Variants in RASGEF1C observed in about 807,000 individuals in gnomAD.
The protein encoded by RASGEF1C is RasGEF domain family member 1C.
In RASGEF1C, 27 loss-of-function variants were observed where a neutral mutation model predicts 58.1. The observed-to-expected ratio is 0.46, with a 90% CI of 0.34 to 0.64. The LOEUF (loss-of-function observed/expected upper bound fraction) is 0.64, where lower values mean the gene tolerates loss of function less well. RASGEF1C is among the 30% of genes least tolerant of loss of function. RASGEF1C has a pLI of 0.01. For synonymous variants in RASGEF1C, 243 were observed against 246.3 expected, an observed-to-expected ratio of 0.99 and a Z score of 0.13; for missense variants, 502 against 605.1, an observed-to-expected ratio of 0.83 and a Z score of 1.79.
At chr5:180,149,546 C>A (rs1248959683) in intron 1 of RASGEF1C, among the ~76,000 whole-genome samples, 1 of 152,048 alleles carries the variant, frequency 6.6e-6, no homozygotes, top group Non-Finnish European at 1.5e-5. Context: ...CACTCCAACT[C>A]CCTGGTTCAA....
chr5:180,115,494 T>C (rs1452684575), intron 10 of RASGEF1C: 1 of 207,398 alleles, frequency 4.8e-6, no homozygotes, highest in Non-Finnish European at 1.0e-5. Flanking sequence ...CTCATTGTAG[T>C]GGGAGACACA....
rs926127304 is a variant in RASGEF1C, at chr5:180,137,513, G to T, written c.300+77C>A. 3.9e-6 allele frequency: 6 copies of T among 1,550,574 alleles called. No homozygotes were observed. In the South Asian group the frequency reaches 5.9e-5, roughly 15 times the overall value. On this transcript the variant is annotated intron_variant, in intron 3 of 13. Transcript: ENST00000361132. This position sits in a 1 kb window ranked among gnomAD's most constrained non-coding sequence, Gnocchi z 4.1. ...AAACGGGGACAATCATTGCCTCCCCGAGAGGCTGATGCGTTGAGGGCATGG... is the reference window on the plus strand; with the variant it reads ...AAACGGGGACAATCATTGCCTCCCCTAGAGGCTGATGCGTTGAGGGCATGG...
chr5:180,131,579 C>T (rs963988717), intron 4 of RASGEF1C, among the ~76,000 whole-genome samples: 3 of 152,226 alleles, frequency 2.0e-5, no homozygotes, highest in Non-Finnish European at 4.4e-5. Flanking sequence ...ACAAGCTCCA[C>T]ACAGCCAACT....
chr5:180,189,603 C>A (rs1380128604), intron 1 of RASGEF1C, among the ~76,000 whole-genome samples: 7 of 152,124 alleles, frequency 4.6e-5, no homozygotes, highest in Non-Finnish European at 1.0e-4. Context: ...AAATGCAATT[C>A]AGTGGAGAAA....
chr5:180,206,570 A>G (rs1024327293), intron 1 of RASGEF1C, among the ~76,000 whole-genome samples: 12 of 152,226 alleles, frequency 7.9e-5, no homozygotes, highest in Admixed American at 4.6e-4. Context: ...ATTCACTCCT[A>G]CTTCTAGAAG....
In RASGEF1C at chr5:180,191,439, C is replaced by T. The variant is rs535079033; in HGVS notation, c.-7+17589G>A. Among the ~76,000 whole-genome samples, 7 of 152,264 alleles carry T rather than the reference C, an allele frequency of 4.6e-5. No homozygotes were observed. In the South Asian group the frequency reaches 1.5e-3, roughly 32 times the overall value. On this transcript the variant is annotated intron_variant, in intron 1 of 13. Transcript: ENST00000361132. Reference sequence around the variant, plus strand: ...TGGCGCGATCTCAGCTCACTGCAAGCTCCGCCTCCCGGGTTCACGCCATTC... The same window carrying T: ...TGGCGCGATCTCAGCTCACTGCAAGTTCCGCCTCCCGGGTTCACGCCATTC...
intron 1 of RASGEF1C, among the ~76,000 whole-genome samples, chr5:180,153,294 C>T (rs994759523): frequency 3.9e-4 from 59 of 152,148 alleles, no homozygotes; most frequent in African/African-American, 1.4e-3. Context: ...GTCTTTATGG[C>T]CCACCCTGGC....
intron 12 of RASGEF1C, among the ~76,000 whole-genome samples, chr5:180,103,605 T>C (rs1168587433): frequency 6.6e-6 from 1 of 152,244 alleles, no homozygotes; most frequent in Non-Finnish European, 1.5e-5. Flanking sequence ...CTTTGGGATT[T>C]TTTTTCCTCA....
rs1210457529 is a variant in RASGEF1C, at chr5:180,177,202, C to T, written c.-7+31826G>A. On this transcript the variant is annotated intron_variant, in intron 1 of 13. Transcript: ENST00000361132. This position sits in a 1 kb window ranked among gnomAD's most constrained non-coding sequence, Gnocchi z 5.0. ...TGGGCTACTTCCAGAAACGTCCAGCCGAGTAGAGGATGCATTCAAACCATG... is the reference window on the plus strand; with the variant it reads ...TGGGCTACTTCCAGAAACGTCCAGCTGAGTAGAGGATGCATTCAAACCATG... 5.3e-5 allele frequency among the ~76,000 whole-genome samples: 8 copies of T among 152,132 alleles called. No individual in the cohort carries two copies. Among genetic ancestry groups the T allele is most frequent in the Admixed American group, 3.9e-4 (6 of 15,276 alleles).
chr5:180,193,348 C>T (rs1233407423), intron 1 of RASGEF1C, among the ~76,000 whole-genome samples: 3 of 152,184 alleles, frequency 2.0e-5, no homozygotes, highest in Non-Finnish European at 2.9e-5. Context: ...AGCCACCGTG[C>T]CCGGCCTAAA....
intron 1 of RASGEF1C, among the ~76,000 whole-genome samples, chr5:180,183,847 A>G (rs974967663): frequency 2.0e-5 from 3 of 151,528 alleles, no homozygotes; most frequent in Non-Finnish European, 4.4e-5. Flanking sequence ...TAAATAAATA[A>G]ATAGATTTCA....
At chr5:180,132,121 C>A (rs540643955) in intron 4 of RASGEF1C, among the ~76,000 whole-genome samples, 2 of 152,320 alleles carry the variant, frequency 1.3e-5, no homozygotes, top group East Asian at 3.9e-4. Flanking sequence ...TCGTCACTAT[C>A]GTGGGTCCAT....
chr5:180,201,432 GA>G (rs1363213345), intron 1 of RASGEF1C, among the ~76,000 whole-genome samples: 1 of 152,184 alleles, frequency 6.6e-6, no homozygotes, highest in Non-Finnish European at 1.5e-5. Flanking sequence ...ACAACAACAG[GA>G]GAGGGCGCTC....
At position 180,170,290 on chromosome 5, in the gene RASGEF1C, G is replaced by C. The variant is rs536556724; in HGVS notation, c.-6-32232C>G. Reference sequence around the variant, plus strand: ...GGGCTGAGGCTGACAGAGGTGACCCGGCTGCTCCCATAGGGCCGCCAGCCA... The same window carrying C: ...GGGCTGAGGCTGACAGAGGTGACCCCGCTGCTCCCATAGGGCCGCCAGCCA... On this transcript the variant is annotated intron_variant, in intron 1 of 13. Transcript: ENST00000361132. 6.3e-4 allele frequency among the ~76,000 whole-genome samples: 96 copies of C among 152,250 alleles called. 1 individual carries two copies. The highest frequency in any genetic ancestry group is 1.9e-3 in the African/African-American group (77 of 41,560).
chr5:180,121,678 CACA>C (rs747930362), intron 6 of RASGEF1C, among the ~76,000 whole-genome samples: 2,793 of 34,296 alleles, frequency 0.081, 84 homozygotes, highest in African/African-American at 0.17. Flanking sequence ...CACACACACA[CACA>C]CCCTCATTAT....
chr5:180,117,113 C>T (rs934199235), intron 10 of RASGEF1C, among the ~76,000 whole-genome samples: 1 of 152,254 alleles, frequency 6.6e-6, no homozygotes, highest in East Asian at 1.9e-4. Context: ...GCTCCGGCTC[C>T]TGGCAGGCCG....
chr5:180,182,085 G>A (rs1410151405), intron 1 of RASGEF1C, among the ~76,000 whole-genome samples: 3 of 151,592 alleles, frequency 2.0e-5, no homozygotes, highest in East Asian at 1.9e-4. Flanking sequence ...GGCGCCTGTA[G>A]TCCCAGCTAC....
chr5:180,142,900 C>A lies in RASGEF1C; in HGVS notation c.-6-4842G>T, dbSNP rs528820518. Among the ~76,000 whole-genome samples the A allele has an allele frequency of 3.9e-3, 601 of 152,228 alleles. 10 individuals carry two copies. Among genetic ancestry groups the A allele is most frequent in the African/African-American group, 0.014 (571 of 41,536 alleles). On this transcript the variant is annotated intron_variant, in intron 1 of 13. Transcript: ENST00000361132. ...AATGGTGAGGCTGGGGGCACGTGCC[C>A]CCGCTGTGGCAAGGGCACTGACAGG...
chr5:180,190,781 A>G (rs961701903), intron 1 of RASGEF1C, among the ~76,000 whole-genome samples: 1 of 152,164 alleles, frequency 6.6e-6, no homozygotes, highest in South Asian at 2.1e-4. Flanking sequence ...GGAGTTAGGT[A>G]AAAATTCCTT....
Sources: gnomAD v4.1 joint callset for allele counts (sites outside exome capture counted in the v4.1 genomes callset) on GRCh38, gnomAD v4.1.1 for gene constraint, Gnocchi (gnomAD v3.1) non-coding constraint, MANE v1.5 for transcripts, NCBI Gene and HGNC (gene_info 2026-07-23, HGNC 2026-07-21) for gene names.